Variants in COL9A3 observed in about 807,000 individuals in gnomAD.
COL9A3 encodes collagen alpha-3(IX) chain.
In COL9A3, 82 loss-of-function variants were observed where a neutral mutation model predicts 110.2. The ratio of observed to expected loss-of-function variants is 0.74; its 90% confidence interval spans 0.62 to 0.89. COL9A3 has a LOEUF of 0.89. Ranked by LOEUF, COL9A3 falls within the 40% of genes least tolerant of loss-of-function variation. COL9A3 has a pLI of 0.00. For missense variants in COL9A3, 1,066 were observed against 981.3 expected (o/e 1.09, Z -1.15); for synonymous variants, 494 against 403.8 (o/e 1.22, Z -2.68).
intron 10 of COL9A3, among the ~76,000 whole-genome samples, chr20:62,823,546 G>A (rs893629764): frequency 6.6e-6 from 1 of 152,244 alleles, no homozygotes; most frequent in African/African-American, 2.4e-5. Context: ...TGCCTGGCCA[G>A]CCTGTGTCCC....
intron 16 of COL9A3, 79 bp downstream of exon 16, chr20:62,827,373 G>A (rs1283560336): frequency 2.4e-5 from 35 of 1,464,306 alleles, no homozygotes; most frequent in Non-Finnish European, 2.8e-5. Context: ...CTGGGGAGGG[G>A]GACACACTTG....
At chr20:62,834,205 TCACCA>T (rs1460800723) in intron 26 of COL9A3, among the ~76,000 whole-genome samples, 1 of 152,144 alleles carries the variant, frequency 6.6e-6, no homozygotes, top group African/African-American at 2.4e-5. Context: ...AGACGGGGTT[TCACCA>T]TGTCGGCCAG....
rs146578812 is a variant in COL9A3, at chr20:62,836,531, C to G, written c.1602C>G (p.Ser534Arg). 1 of 1,610,018 alleles carries G rather than the reference C, an allele frequency of 6.2e-7. No individual in the cohort carries two copies. The highest frequency in any genetic ancestry group is 8.5e-7 in the Non-Finnish European group (1 of 1,178,202). Residue 534 changes from serine to arginine, a missense_variant and splice_region_variant, in exon 29 of 32, where the codon AGC (serine) becomes AGG (arginine). Ser to Arg is a moderately radical substitution (Grantham distance 110). Coordinates refer to ENST00000649368, the MANE Select transcript of COL9A3 (RefSeq NM_001853.4). ...GGGAGCTGTGTGGGGGGATGATCAG[C>G]GGTAAGTCAGCCACGTGCACCGGCT... ...RIRELCGGMI[S>R]EQIAQLAAHL... is the part of the protein sequence containing the mutation.
chr20:62,829,818 C>A lies in COL9A3; in HGVS notation c.1160C>A (p.Ala387Glu), dbSNP rs140963282. ...GGTGAGGCTGGCCACCGGGGCTCAG[C>A]GGTGAGTGCAGGGACATGGCCCGGG... ...ERGEAGHRGS[A>E]GALGPQGPPG... Residue 387 changes from alanine (A) to glutamate (E), a missense_variant and splice_region_variant, in exon 22 of 32, where the codon GCG becomes GAG. Ala to Glu is a moderately radical substitution (Grantham distance 107). Transcript: ENST00000649368. The A allele has an allele frequency of 6.4e-7, 1 of 1,568,392 alleles. No individual in the cohort carries two copies. Among genetic ancestry groups the A allele is most frequent in the Admixed American group, 1.9e-5 (1 of 53,324 alleles).
chr20:62,829,117 C>A, intron 19 of COL9A3, 141 bp downstream of exon 19: 1 of 952,160 alleles, frequency 1.1e-6, no homozygotes, highest in Non-Finnish European at 1.6e-6. Flanking sequence ...CAGGGCCTGG[C>A]ACAACCCCTG....
At chr20:62,830,649 C>CTGT in intron 24 of COL9A3, 61 bp downstream of exon 24, 1 of 886,826 alleles carries the variant, frequency 1.1e-6, no homozygotes, top group Non-Finnish European at 1.6e-6. Context: ...ACCACAGTCC[C>CTGT]CCACCCCCAT....
At chr20:62,821,435 C>T (rs2147200093) in intron 6 of COL9A3, 72 bp from the exon 7 acceptor site, 9 of 1,595,542 alleles carry the variant, frequency 5.6e-6, no homozygotes, top group South Asian at 1.1e-5. Context: ...CCCACCTGAG[C>T]CATCTTAGGG....
At chr20:62,830,470 G>T (rs2063586722) in intron 23 of COL9A3, 47 bp from the exon 24 acceptor site, 1 of 1,593,350 alleles carries the variant, frequency 6.3e-7, no homozygotes, top group Non-Finnish European at 8.5e-7. Flanking sequence ...AGACGGGCCA[G>T]ACCCGACAGG....
chr20:62,839,670 CCA>C (rs1372932458), intron 31 of COL9A3, among the ~76,000 whole-genome samples: 1 of 130,860 alleles, frequency 7.6e-6, no homozygotes, highest in East Asian at 2.3e-4. Context: ...TCTCCTCCAC[CCA>C]CCCCACCTCT....
intron 25 of COL9A3, 133 bp downstream of exon 25, chr20:62,832,322 C>T: frequency 1.1e-6 from 1 of 899,662 alleles, no homozygotes; most frequent in African/African-American, 1.9e-5. Flanking sequence ...CTTGCCGTGT[C>T]TGTCAGTCGC....
At chr20:62,825,354 G>A (rs2063544211) in intron 12 of COL9A3, 2 of 330,252 alleles carry the variant, frequency 6.1e-6, no homozygotes, top group Non-Finnish European at 1.1e-5. Context: ...CCTGGTTTGT[G>A]TCTGTGGCCG....
chr20:62,832,364 C>G (rs2063603491), intron 25 of COL9A3, among the ~76,000 whole-genome samples, 175 bp downstream of exon 25: 1 of 152,238 alleles, frequency 6.6e-6, no homozygotes, highest in African/African-American at 2.4e-5. Flanking sequence ...CTGCTTAGCA[C>G]AGCGAAAGCA....
intron 16 of COL9A3, among the ~76,000 whole-genome samples, 196 bp from the exon 17 acceptor site, chr20:62,827,727 G>A (rs565208995): frequency 7.2e-5 from 11 of 152,330 alleles, no homozygotes; most frequent in Non-Finnish European, 1.0e-4. Flanking sequence ...GCAGGGAGCC[G>A]CCGTGCCGTC....
At chr20:62,821,272 C>G (rs1024691017) in intron 6 of COL9A3, 56 bp downstream of exon 6, 3 of 1,575,096 alleles carry the variant, frequency 1.9e-6, no homozygotes, top group Non-Finnish European at 1.7e-6. Context: ...GCTGGAGAGT[C>G]TGGTCTAAAT....
chr20:62,840,755 G>A lies in COL9A3; in HGVS notation c.*23G>A, dbSNP rs957290449. On this transcript the variant is annotated 3_prime_UTR_variant, in exon 32 of 32. Coordinates refer to ENST00000649368, the MANE Select transcript of COL9A3 (RefSeq NM_001853.4). ...TAAAATTCAACGTGAGGAAGCAAGTGACAAGGACGCCCGAAGCACAGTGGA... is the reference window on the plus strand; with the variant it reads ...TAAAATTCAACGTGAGGAAGCAAGTAACAAGGACGCCCGAAGCACAGTGGA... 13 of 1,553,736 alleles carry A rather than the reference G, an allele frequency of 8.4e-6. No homozygotes were observed. The highest frequency in any genetic ancestry group is 1.1e-5 in the Non-Finnish European group (13 of 1,147,952).
At position 62,818,464 on chromosome 20, in the gene COL9A3, G is replaced by A. The variant is rs190016881; in HGVS notation, c.148-54G>A. The A allele has an allele frequency of 4.0e-4, 628 of 1,563,788 alleles. 2 individuals are homozygous for A. The Admixed American group carries it at 9.5e-3, about 24-fold the overall frequency. On this transcript the variant is annotated intron_variant, in intron 2 of 31. Coordinates refer to ENST00000649368, the MANE Select transcript of COL9A3 (RefSeq NM_001853.4). ...GCGCTGCTCTTTTCCCCGAGGCGGG[G>A]TTCTTGAGGGACCCCTGATTTTCAG... is the stretch of plus-strand genomic sequence containing the variant.
At position 62,840,883 on chromosome 20, in the gene COL9A3, G is replaced by A. The variant is rs763901024; in HGVS notation, c.*151G>A. 12 of 807,978 alleles carry A rather than the reference G, an allele frequency of 1.5e-5. No individual in the cohort carries two copies. Among genetic ancestry groups the A allele is most frequent in the East Asian group, 5.4e-5 (2 of 37,324 alleles). 50.1% of individuals were successfully genotyped at this position (807,978 alleles called of 1,614,324 possible). ...GACTGGACGCGCGGGCCTTGCCAGC[G>A]AGCACCCTCATCGGGCTGTCGCCTG... On this transcript the variant is annotated 3_prime_UTR_variant, in exon 32 of 32. Transcript: ENST00000649368.
rs1275381097 is a variant in COL9A3 at position 62,829,018 on chromosome 20, T to C, written c.1008+42T>C. 43 of 1,561,994 alleles carry C rather than the reference T, an allele frequency of 2.8e-5. No homozygotes were observed. In the East Asian group the frequency reaches 9.9e-4, roughly 36 times the overall value. On this transcript the variant is annotated intron_variant, in intron 19 of 31. Transcript: ENST00000649368. The stretch of plus-strand genomic sequence containing the variant: ...TGGGGCCAGCCTGGGGCGCCACAGC[T>C]TCTGCCTGCTCAGTGGCCCATGTTG...
At chr20:62,837,566 T>A (rs1273656280) in intron 30 of COL9A3, among the ~76,000 whole-genome samples, 1 of 151,956 alleles carries the variant, frequency 6.6e-6, no homozygotes, top group Non-Finnish European at 1.5e-5. Flanking sequence ...CCCAACACTT[T>A]GGGGGGCTGA....
Sources: gnomAD v4.1 joint callset for allele counts (sites outside exome capture counted in the v4.1 genomes callset) on GRCh38, gnomAD v4.1.1 for gene constraint, MANE v1.5 for transcripts, NCBI Gene and HGNC (gene_info 2026-07-23, HGNC 2026-07-21) for gene names.